The following SLC5A4 variants were observed in gnomAD, a reference collection of about 807,000 sequenced individuals.
SLC5A4 encodes probable glucose sensor protein SLC5A4.
In SLC5A4, 55 loss-of-function variants were observed where a neutral mutation model predicts 70.3. The observed-to-expected ratio is 0.78, with a 90% CI of 0.63 to 0.98. SLC5A4 has a LOEUF of 0.98. SLC5A4 is among the 50% of genes least tolerant of loss of function. SLC5A4 has a pLI of 0.00. For missense variants in SLC5A4, 735 were observed against 839.2 expected (o/e 0.88, Z 1.53); for synonymous variants, 268 against 305.7 (o/e 0.88, Z 1.29).
chr22:32,274,657 C>G, the SLC5A4 span, among the ~76,000 whole-genome samples: 1 of 151,974 alleles, frequency 6.6e-6, no homozygotes, highest in South Asian at 2.1e-4. Flanking sequence ...TATGAGCCAC[C>G]TGGGAAATGC....
chr22:32,351,594 CAA>C, the SLC5A4 span, among the ~76,000 whole-genome samples: 1 of 149,674 alleles, frequency 6.7e-6, no homozygotes, highest in Non-Finnish European at 1.5e-5. Context: ...CCCAGCTACT[CAA>C]GAGGCTGAGG....
chr22:32,330,777 G>T, the SLC5A4 span, among the ~76,000 whole-genome samples: 2 of 120,148 alleles, frequency 1.7e-5, no homozygotes, highest in African/African-American at 3.3e-5. Flanking sequence ...TGTGTTGGGG[G>T]CTCTGGTGTG....
Position 32,232,927 on chromosome 22 carries a change from C to T in SLC5A4, c.993G>A (p.Pro331=), listed in dbSNP as rs143604627. The T allele has an allele frequency of 2.1e-5, 34 of 1,613,950 alleles. No homozygotes were observed. The East Asian group carries it at 2.2e-4, about 11-fold the overall frequency. The change falls in exon 9 of 15, where the codon CCG becomes CCA. Residue 331 remains proline (P), a synonymous_variant. Coordinates refer to ENST00000266086, the MANE Select transcript of SLC5A4 (RefSeq NM_014227.3). ...TGTACAGGATGCGGCTGATCATCCC[C>T]GGCATCACCATGAGGAACATGGGCA... ...KLLPMFLMVM[P]GMISRILYTD...
At chr22:32,329,542 T>C in the SLC5A4 span, among the ~76,000 whole-genome samples, 6 of 139,322 alleles carry the variant, frequency 4.3e-5, no homozygotes, top group African/African-American at 1.7e-4. Context: ...GGGCTCTGTG[T>C]CTGTTGAGGG....
At chr22:32,269,500 C>G in the SLC5A4 span, 1 of 579,188 alleles carries the variant, frequency 1.7e-6, no homozygotes, top group South Asian at 1.5e-5. This position sits in a 1 kb window ranked among gnomAD's most constrained non-coding sequence, Gnocchi z 4.1. Context: ...GGCCCGGGCA[C>G]GTGGCTGTGT....
chr22:32,258,783 T>C (rs1272409703), upstream of SLC5A4, among the ~76,000 whole-genome samples: 2 of 152,220 alleles, frequency 1.3e-5, no homozygotes, highest in African/African-American at 4.8e-5. Flanking sequence ...TGCACACCCA[T>C]GTTCATAAGT....
At chr22:32,354,704 G>A in the SLC5A4 span, among the ~76,000 whole-genome samples, 2 of 152,010 alleles carry the variant, frequency 1.3e-5, no homozygotes, top group Non-Finnish European at 2.9e-5. Flanking sequence ...CCCCTCTGTG[G>A]GCAGTGAGGC....
the SLC5A4 span, among the ~76,000 whole-genome samples, chr22:32,311,167 C>T: frequency 6.6e-6 from 1 of 152,218 alleles, no homozygotes; most frequent in African/African-American, 2.4e-5. Flanking sequence ...GTCCCTCGAA[C>T]TGAGTTCCCG....
At chr22:32,265,298 G>C in the SLC5A4 span, among the ~76,000 whole-genome samples, 3 of 152,188 alleles carry the variant, frequency 2.0e-5, no homozygotes, top group African/African-American at 7.2e-5. Context: ...TGAGGCAGGA[G>C]GATGGCTTCA....
the SLC5A4 span, chr22:32,269,608 A>T: frequency 1.6e-6 from 1 of 617,606 alleles, no homozygotes; most frequent in South Asian, 1.4e-5. This position sits in a 1 kb window ranked among gnomAD's most constrained non-coding sequence, Gnocchi z 4.1. Context: ...GACTGCACCC[A>T]GGCTCTGGCC....
chr22:32,321,595 T>C, the SLC5A4 span, among the ~76,000 whole-genome samples: 1 of 152,194 alleles, frequency 6.6e-6, no homozygotes. Context: ...TTAGTTATTT[T>C]TTCCTGGTCC....
At chr22:32,252,229 C>CGAA (rs1927212014) in intron 2 of SLC5A4, among the ~76,000 whole-genome samples, 1 of 91,396 alleles carries the variant, frequency 1.1e-5, no homozygotes, top group Admixed American at 1.3e-4. Context: ...GACTCTGTCT[C>CGAA]AAAAAAAAAA....
chr22:32,331,519 GAC>G, the SLC5A4 span, among the ~76,000 whole-genome samples: 1 of 152,158 alleles, frequency 6.6e-6, no homozygotes, highest in African/African-American at 2.4e-5. Context: ...TCTAAATAAT[GAC>G]ACACGGAAAC....
At chr22:32,272,591 C>T in the SLC5A4 span, 1 of 620,672 alleles carries the variant, frequency 1.6e-6, no homozygotes. Context: ...TAGACAACAC[C>T]CAGCTGGGTT....
rs371276771 is a variant in SLC5A4, at chr22:32,254,277, C to A, written c.136-64G>T. 1.3e-3 allele frequency: 1,590 copies of A among 1,249,542 alleles called. 5 individuals carry two copies. Among genetic ancestry groups the A allele is most frequent in the Non-Finnish European group, 1.7e-3 (1,432 of 848,630 alleles). 77.4% of individuals were successfully genotyped at this position (1,249,542 alleles called of 1,614,324 possible). ...CAAGTGCACCCAGACACCCCAGAGGCTCTGGCCAGGGTGCTGAGAGGGGTG... is the reference window on the plus strand; with the variant it reads ...CAAGTGCACCCAGACACCCCAGAGGATCTGGCCAGGGTGCTGAGAGGGGTG... On this transcript the variant is annotated intron_variant, in intron 1 of 14. Coordinates refer to ENST00000266086, the MANE Select transcript of SLC5A4 (RefSeq NM_014227.3).
At chr22:32,349,940 G>T in the SLC5A4 span, among the ~76,000 whole-genome samples, 3 of 151,950 alleles carry the variant, frequency 2.0e-5, no homozygotes, top group East Asian at 5.8e-4. Flanking sequence ...CTTCTTATCC[G>T]CAACTTTCTT....
the SLC5A4 span, among the ~76,000 whole-genome samples, chr22:32,261,577 T>C: frequency 6.6e-6 from 1 of 152,178 alleles, no homozygotes; most frequent in Non-Finnish European, 1.5e-5. Flanking sequence ...CACCCCGAAC[T>C]TCCAGACAGA....
At chr22:32,237,943 G>C (rs1285218780) in intron 6 of SLC5A4, among the ~76,000 whole-genome samples, 1 of 151,960 alleles carries the variant, frequency 6.6e-6, no homozygotes, top group African/African-American at 2.4e-5. Flanking sequence ...TGCCCTTATT[G>C]CTCCCTTATT....
intron 11 of SLC5A4, among the ~76,000 whole-genome samples, chr22:32,227,818 C>T (rs751483191): frequency 3.9e-5 from 6 of 151,984 alleles, no homozygotes; most frequent in Non-Finnish European, 7.4e-5. Flanking sequence ...GCCTCTAGTC[C>T]CAGCTACTCG....
Sources: allele counts gnomAD v4.1 joint callset (sites outside exome capture counted in the v4.1 genomes callset), GRCh38; gene constraint gnomAD v4.1.1; non-coding constraint Gnocchi (gnomAD v3.1); transcripts MANE v1.5; gene names NCBI Gene and HGNC (gene_info 2026-07-23, HGNC 2026-07-21).